PDZRN4: variants seen among roughly 807,000 people sequenced by gnomAD.
PDZRN4 encodes the protein PDZ domain-containing RING finger protein 4.
In PDZRN4, 70 loss-of-function variants were observed where a neutral mutation model predicts 99.0. The ratio of observed to expected loss-of-function variants is 0.71; its 90% confidence interval spans 0.58 to 0.86. The LOEUF is 0.86. Ranked by LOEUF, PDZRN4 falls within the 40% of genes least tolerant of loss-of-function variation. The pLI is 0.00. For missense variants in PDZRN4, 1,474 were observed against 1,331.2 expected, an observed-to-expected ratio of 1.11 and a Z score of -1.67; for synonymous variants, 551 against 501.6, an observed-to-expected ratio of 1.10 and a Z score of -1.32.
chr12:41,573,700 G>A lies in PDZRN4; in HGVS notation c.2921G>A (p.Ser974Asn), dbSNP rs115158831. ...AGCAGGTTAGAGTGTCTCAAGGAGAGCCCTCAGAGCGGCAGTGAGGGCAAG... is the reference window on the plus strand; with the variant it reads ...AGCAGGTTAGAGTGTCTCAAGGAGAACCCTCAGAGCGGCAGTGAGGGCAAG... ...MRSRLECLKE[S>N]PQSGSEGKKE... Residue 974 changes from serine to asparagine, a missense_variant, in exon 10 of 10, where the codon AGC becomes AAC. Coordinates refer to ENST00000402685, the MANE Select transcript of PDZRN4 (RefSeq NM_001164595.2). 503 of 1,613,930 alleles carry A rather than the reference G, an allele frequency of 3.1e-4. 2 individuals carry two copies. In the African/African-American group the frequency reaches 6.3e-3, roughly 20 times the overall value.
chr12:41,374,291 A>G (rs1952063981), intron 3 of PDZRN4, among the ~76,000 whole-genome samples: 1 of 152,156 alleles, frequency 6.6e-6, no homozygotes, highest in Non-Finnish European at 1.5e-5. Context: ...AAGGGAGTTT[A>G]GTATTATAAT....
intron 3 of PDZRN4, among the ~76,000 whole-genome samples, chr12:41,216,164 C>G (rs1950919706): frequency 6.6e-6 from 1 of 151,864 alleles, no homozygotes; most frequent in Admixed American, 6.6e-5. Context: ...AGAGTGAGTA[C>G]AGTTAGTACA....
chr12:41,338,482 G>T (rs1409535422), intron 3 of PDZRN4, among the ~76,000 whole-genome samples: 1 of 150,762 alleles, frequency 6.6e-6, no homozygotes, highest in Non-Finnish European at 1.5e-5. Context: ...ATGAAAGAGA[G>T]ATTTTTAAAA....
At chr12:41,394,586 T>C (rs1952232996) in intron 3 of PDZRN4, among the ~76,000 whole-genome samples, 1 of 152,160 alleles carries the variant, frequency 6.6e-6, no homozygotes, top group Non-Finnish European at 1.5e-5. Flanking sequence ...GACCAAGCTA[T>C]TGGCCAAGGC....
chr12:41,197,598 G>T (rs1950781983), intron 3 of PDZRN4, among the ~76,000 whole-genome samples: 1 of 152,136 alleles, frequency 6.6e-6, no homozygotes, highest in South Asian at 2.1e-4. Flanking sequence ...GACTGAAAAG[G>T]CAGAAGATAT....
chr12:41,414,865 A>G (rs1952431001), intron 3 of PDZRN4, among the ~76,000 whole-genome samples: 1 of 152,206 alleles, frequency 6.6e-6, no homozygotes. Flanking sequence ...CAAGACAAAG[A>G]GAAGCGTTCT....
chr12:41,310,712 T>TC (rs1951600895), intron 3 of PDZRN4, among the ~76,000 whole-genome samples: 1 of 152,194 alleles, frequency 6.6e-6, no homozygotes, highest in Non-Finnish European at 1.5e-5. Context: ...GCTACTTTTT[T>TC]CCCCCACGTT....
intron 3 of PDZRN4, among the ~76,000 whole-genome samples, chr12:41,423,899 T>C (rs1007641699): frequency 6.6e-6 from 1 of 152,088 alleles, no homozygotes; most frequent in African/African-American, 2.4e-5. Context: ...AGCTATAAAC[T>C]CCATCTCACA....
intron 3 of PDZRN4, among the ~76,000 whole-genome samples, chr12:41,238,672 G>A (rs974159672): frequency 2.0e-5 from 3 of 150,906 alleles, no homozygotes; most frequent in Non-Finnish European, 4.4e-5. Context: ...AAACCACAAT[G>A]AGATACCATC....
intron 3 of PDZRN4, among the ~76,000 whole-genome samples, chr12:41,383,913 T>C (rs1446544307): frequency 1.3e-5 from 2 of 149,932 alleles, no homozygotes; most frequent in Non-Finnish European, 3.0e-5. Context: ...AATCAGTTCA[T>C]CATGATACAG....
intron 6 of PDZRN4, 54 bp downstream of exon 6, chr12:41,552,808 C>A: frequency 7.5e-7 from 1 of 1,336,188 alleles, no homozygotes; most frequent in South Asian, 1.2e-5. Context: ...AAGAACAGAG[C>A]GAAATGACTC....
chr12:41,353,348 C>T (rs1172809072), intron 3 of PDZRN4, among the ~76,000 whole-genome samples: 1 of 151,968 alleles, frequency 6.6e-6, no homozygotes, highest in Non-Finnish European at 1.5e-5. Flanking sequence ...GAATTCCTTT[C>T]CATTGTTTGC....
intron 3 of PDZRN4, among the ~76,000 whole-genome samples, chr12:41,392,529 C>G (rs1391224039): frequency 6.6e-6 from 1 of 152,088 alleles, no homozygotes; most frequent in Non-Finnish European, 1.5e-5. Flanking sequence ...CTCCATATTA[C>G]CAGAGTATGA....
At chr12:41,434,077 C>A (rs1952607878) in intron 3 of PDZRN4, among the ~76,000 whole-genome samples, 1 of 152,072 alleles carries the variant, frequency 6.6e-6, no homozygotes, top group Non-Finnish European at 1.5e-5. Flanking sequence ...ATTTTATCAA[C>A]CAAATGATAT....
chr12:41,430,138 T>C (rs1251003271), intron 3 of PDZRN4, among the ~76,000 whole-genome samples: 2 of 152,232 alleles, frequency 1.3e-5, no homozygotes, highest in East Asian at 3.9e-4. Context: ...TGGTTTCTAG[T>C]ACACTTATGT....
chr12:41,522,741 C>A (rs1423952840), intron 5 of PDZRN4, among the ~76,000 whole-genome samples: 1 of 152,028 alleles, frequency 6.6e-6, no homozygotes, highest in African/African-American at 2.4e-5. Context: ...ATGTGCATAG[C>A]TGTATGGTAA....
chr12:41,522,478 G>A (rs1318174948), intron 5 of PDZRN4, among the ~76,000 whole-genome samples: 1 of 151,974 alleles, frequency 6.6e-6, no homozygotes, highest in African/African-American at 2.4e-5. Flanking sequence ...GTGTAGGATG[G>A]GTAAACTAAT....
intron 3 of PDZRN4, among the ~76,000 whole-genome samples, chr12:41,357,035 A>G (rs1951932614): frequency 6.6e-6 from 1 of 151,968 alleles, no homozygotes; most frequent in Non-Finnish European, 1.5e-5. Flanking sequence ...GCTTGTTTAA[A>G]GGTTTTTAAT....
chr12:41,379,251 GT>G (rs57466011), intron 3 of PDZRN4, among the ~76,000 whole-genome samples: 71,720 of 130,844 alleles, frequency 0.55, 18,197 homozygotes, highest in East Asian at 0.77. Context: ...TCTATTTTCT[GT>G]TTTTTTTTTT....
Sources: allele counts gnomAD v4.1 joint callset (sites outside exome capture counted in the v4.1 genomes callset), GRCh38; gene constraint gnomAD v4.1.1; transcripts MANE v1.5; gene names NCBI Gene and HGNC (gene_info 2026-07-23, HGNC 2026-07-21).